Variants in MADD observed in about 807,000 individuals in gnomAD.
MADD encodes the protein MAP kinase-activating death domain protein.
A neutral mutation model predicts 176.7 loss-of-function variants in MADD; 109 were observed. The observed-to-expected ratio is 0.62, with a 90% CI of 0.53 to 0.72. The LOEUF is 0.72. MADD is among the 30% of genes least tolerant of loss of function. The pLI is 0.00. For synonymous variants in MADD, 771 were observed against 771.3 expected (o/e 1.00, Z 0.01); for missense variants, 1,914 against 2,045.5 (o/e 0.94, Z 1.24).
At chr11:47,327,683 G>C (rs764611209) in intron 31 of MADD, 25 of 985,416 alleles carry the variant, frequency 2.5e-5, no homozygotes, top group Non-Finnish European at 3.0e-5. Context: ...CAACTCGGGA[G>C]AATGGCCTGG....
At chr11:47,328,801 G>A (rs1379012389) in intron 32 of MADD, 97 bp downstream of exon 36, 2 of 1,506,266 alleles carry the variant, frequency 1.3e-6, no homozygotes, top group Non-Finnish European at 1.8e-6. Context: ...GCGCACAGGG[G>A]TGAGTGGGGA....
intron 10 of MADD, among the ~76,000 whole-genome samples, chr11:47,283,243 G>A (rs572286170): frequency 5.1e-4 from 75 of 148,402 alleles, no homozygotes; most frequent in Admixed American, 2.3e-3. Context: ...ACAGGCGCCC[G>A]CCACCACGCC....
At chr11:47,286,508 A>G (rs764167758) in exon 15 of MADD, 1 of 1,613,872 alleles carries the variant, frequency 6.2e-7, no homozygotes, top group Non-Finnish European at 8.5e-7. Context: ...GCCCGAGAGA[A>G]GGCCACGCCC....
At chr11:47,296,601 G>T (rs903597307) in intron 22 of MADD, among the ~76,000 whole-genome samples, 4 of 152,136 alleles carry the variant, frequency 2.6e-5, no homozygotes, top group Non-Finnish European at 5.9e-5. Flanking sequence ...TTCTACTCAA[G>T]AAGTTTGTGA....
At position 47,316,163 on chromosome 11, in the gene MADD, A is replaced by G. The variant is rs12421876; in HGVS notation, c.4197+836A>G. ...ATTTCTTTTATACACGTGCGCGCGCACACACACGCGCACACACATATACAT... is the reference window on the plus strand; with the variant it reads ...ATTTCTTTTATACACGTGCGCGCGCGCACACACGCGCACACACATATACAT... On this transcript the variant is annotated intron_variant, in intron 27 of 32. Coordinates refer to ENST00000402192, the Ensembl canonical transcript of MADD. Among the ~76,000 whole-genome samples, 650 of 124,300 alleles carry G rather than the reference A, an allele frequency of 5.2e-3. 5 individuals carry two copies. Among genetic ancestry groups the G allele is most frequent in the African/African-American group, 0.02 (595 of 30,262 alleles). The allele number at this position is 124,300 out of a possible 152,430, so 81.5% of individuals were successfully genotyped here. A position where few individuals can be genotyped will look rare whatever the true frequency, so the allele number is the denominator to read the frequency against.
exon 13 of MADD, chr11:47,285,014 C>G: frequency 6.2e-7 from 1 of 1,614,110 alleles, no homozygotes; most frequent in Non-Finnish European, 8.5e-7. Flanking sequence ...TCCGTGCCTC[C>G]CAGCATTGGC....
chr11:47,284,662 C>A, intron 12 of MADD, 97 bp downstream of exon 12: 2 of 1,450,322 alleles, frequency 1.4e-6, no homozygotes, highest in South Asian at 1.3e-5. Context: ...TGCTGCTTCT[C>A]ACACAATTTT....
At chr11:47,275,694 C>T (rs1036507765) in intron 3 of MADD, among the ~76,000 whole-genome samples, 2 of 152,224 alleles carry the variant, frequency 1.3e-5, no homozygotes, top group Admixed American at 1.3e-4. Flanking sequence ...GTGGTTAGGA[C>T]AGTAAGTCTT....
chr11:47,309,320 G>A lies in MADD; in HGVS notation c.3791G>A (p.Trp1264Ter). 6.2e-7 allele frequency: 1 copy of A among 1,614,206 alleles called. No homozygotes were observed. The highest frequency in any genetic ancestry group is 8.5e-7 in the Non-Finnish European group (1 of 1,180,016). The change falls in exon 24 of 33, where the codon TGG becomes TAG. Residue 1264 changes from tryptophan (W) to a stop codon, truncating the protein, a stop_gained. Coordinates refer to ENST00000402192, the Ensembl canonical transcript of MADD. LOFTEE classifies it high-confidence loss of function. ...ACTTTATGGGACCAAATGCAATTCT[G>A]GGAAGATGCCTTCTTAGATGCTGTG...
intron 31 of MADD, chr11:47,327,896 A>G (rs369205223): frequency 2.0e-6 from 2 of 985,332 alleles, no homozygotes. Flanking sequence ...TCCTCTGGCC[A>G]AGCAGAACCC....
At chr11:47,326,573 C>G (rs2095475877) in intron 30 of MADD, 21 bp downstream of exon 34, 3 of 1,420,190 alleles carry the variant, frequency 2.1e-6, no homozygotes, top group Non-Finnish European at 1.8e-6. Flanking sequence ...TTTCTGCTAT[C>G]TTCGCTTCTT....
At chr11:47,303,211 A>C (rs2079329362) in intron 22 of MADD, among the ~76,000 whole-genome samples, 1 of 149,920 alleles carries the variant, frequency 6.7e-6, no homozygotes, top group Admixed American at 6.7e-5. Flanking sequence ...AGATTCCCTT[A>C]AATGTGACTT....
intron 27 of MADD, among the ~76,000 whole-genome samples, chr11:47,322,543 C>T (rs574853894): frequency 1.1e-3 from 164 of 152,122 alleles, no homozygotes; most frequent in Middle Eastern, 3.4e-3. Flanking sequence ...ACCTGGGAGG[C>T]GGAGCTTGCA....
intron 12 of MADD, 75 bp downstream of exon 12, chr11:47,284,640 T>C: frequency 6.6e-7 from 1 of 1,520,844 alleles, no homozygotes; most frequent in Non-Finnish European, 8.9e-7. Flanking sequence ...AGCCAGGCTG[T>C]AGCTATTCAT....
At chr11:47,279,685 C>G (rs1565298831) in intron 7 of MADD, among the ~76,000 whole-genome samples, 1 of 151,120 alleles carries the variant, frequency 6.6e-6, no homozygotes, top group Non-Finnish European at 1.5e-5. Context: ...GGCCGATTTT[C>G]TCAGTCTTGT....
Position 47,290,066 on chromosome 11 carries a change from G to T in MADD, c.2943+13G>T. On this transcript the variant is annotated intron_variant, in intron 17 of 32. Coordinates refer to ENST00000402192, the Ensembl canonical transcript of MADD. ...CATCCCGGATGTGGTCAGTGTTGGG[G>T]GTAGGGAATCGGAGTAACTGGAGAG... 8.7e-6 allele frequency: 14 copies of T among 1,613,286 alleles called. No homozygotes were observed. Among genetic ancestry groups the T allele is most frequent in the African/African-American group, 1.3e-5 (1 of 75,050 alleles).
intron 15 of MADD, 127 bp from the exon 17 acceptor site, chr11:47,289,264 G>T (rs1453296845): frequency 1.2e-6 from 1 of 848,750 alleles, no homozygotes. Flanking sequence ...TACGTATGAT[G>T]CCTTGGTGCT....
At chr11:47,328,826 C>A in intron 32 of MADD, 122 bp downstream of exon 36, 2 of 1,305,756 alleles carry the variant, frequency 1.5e-6, no homozygotes, top group Non-Finnish European at 1.1e-6. Flanking sequence ...GTTTTGTTGC[C>A]AAAGGTTCAA....
chr11:47,312,583 G>C (rs2090342335), intron 26 of MADD, among the ~76,000 whole-genome samples: 1 of 152,132 alleles, frequency 6.6e-6, no homozygotes, highest in Admixed American at 6.6e-5. Context: ...TTACAGGCAT[G>C]CACCACCACG....
Sources: allele counts gnomAD v4.1 joint callset (sites outside exome capture counted in the v4.1 genomes callset), GRCh38; gene constraint gnomAD v4.1.1; transcripts MANE v1.5; gene names NCBI Gene and HGNC (gene_info 2026-07-23, HGNC 2026-07-21).